DMD: variants seen among roughly 807,000 people sequenced by gnomAD.
DMD encodes the protein dystrophin.
Under a neutral mutation model 330.1 loss-of-function variants are expected in DMD, and 63 were observed. That is an observed-to-expected ratio of 0.19 (90% CI 0.16 to 0.24). DMD has a LOEUF of 0.24. Among genes scored for constraint, DMD ranks in the 10% least tolerant of loss-of-function variants. The pLI is 1.00. For synonymous variants in DMD, 1,223 were observed against 959.8 expected, an observed-to-expected ratio of 1.27 and a Z score of -5.07; for missense variants, 3,344 against 2,684.1, an observed-to-expected ratio of 1.25 and a Z score of -5.43.
At chrX:31,289,290 CAAAAAA>C (rs199636742) in intron 62 of DMD, among the ~76,000 whole-genome samples, 1 of 75,981 alleles carries the variant, frequency 1.3e-5, no homozygotes, top group African/African-American at 5.7e-5. Context: ...AAATCCATCT[CAAAAAA>C]AAAAAAATCA....
intron 3 of DMD, among the ~76,000 whole-genome samples, chrX:32,845,669 GT>G (rs1293581531): frequency 9.0e-6 from 1 of 111,371 alleles, no homozygotes; most frequent in African/African-American, 3.3e-5. Flanking sequence ...CACTTGCAAA[GT>G]TCTCACCTAA....
At chrX:32,730,531 G>A (rs1014125055) in intron 7 of DMD, among the ~76,000 whole-genome samples, 1 of 111,808 alleles carries the variant, frequency 8.9e-6, no homozygotes, top group African/African-American at 3.3e-5. Flanking sequence ...GTCTTCCTAG[G>A]CAATAGGAAT....
intron 25 of DMD, among the ~76,000 whole-genome samples, chrX:32,461,027 A>G (rs770285662): frequency 8.0e-5 from 9 of 111,928 alleles, no homozygotes; most frequent in Admixed American, 3.8e-4. Context: ...TTAAAATTTA[A>G]AATAATAACC....
At chrX:32,660,329 A>T (rs2060866424) in intron 9 of DMD, among the ~76,000 whole-genome samples, 1 of 111,181 alleles carries the variant, frequency 9.0e-6, no homozygotes, top group Non-Finnish European at 1.9e-5. Flanking sequence ...ATTAAAGGAT[A>T]TGTACAGATA....
chrX:32,877,091 T>TA (rs1441883496), intron 2 of DMD, among the ~76,000 whole-genome samples: 1 of 112,266 alleles, frequency 8.9e-6, no homozygotes, highest in Non-Finnish European at 1.9e-5. Flanking sequence ...CTTTTCCCTC[T>TA]AGCAATTATT....
intron 1 of DMD, among the ~76,000 whole-genome samples, chrX:33,150,491 G>T (rs1410112678): frequency 9.2e-6 from 1 of 108,954 alleles, no homozygotes; most frequent in Non-Finnish European, 1.9e-5. Flanking sequence ...TTGGGGTTTC[G>T]CCATACTGGC....
chrX:32,531,654 C>T (rs1004475641), intron 17 of DMD, among the ~76,000 whole-genome samples: 1 of 111,242 alleles, frequency 9.0e-6, no homozygotes, highest in Non-Finnish European at 1.9e-5. Context: ...AGTTTCAATA[C>T]ACAGTGAAGC....
intron 1 of DMD, among the ~76,000 whole-genome samples, chrX:33,250,719 G>T (rs745993178): frequency 9.0e-5 from 10 of 110,961 alleles, no homozygotes; most frequent in African/African-American, 2.9e-4. Context: ...TTGTTAAACA[G>T]GTGGAGAATA....
At chrX:31,988,808 G>T (rs953068256) in intron 44 of DMD, among the ~76,000 whole-genome samples, 93 of 108,727 alleles carry the variant, frequency 8.6e-4, no homozygotes, top group Non-Finnish European at 1.5e-3. Context: ...TCTCTCTCTC[G>T]AAACCAGAGA....
At chrX:32,502,808 A>T (rs1016437951) in intron 18 of DMD, among the ~76,000 whole-genome samples, 1 of 110,981 alleles carries the variant, frequency 9.0e-6, no homozygotes, top group Non-Finnish European at 1.9e-5. Context: ...TTCCAGGTAA[A>T]ATACTGGAGT....
At chrX:33,297,187 CT>C (rs756913992) in intron 1 of DMD, among the ~76,000 whole-genome samples, 37 of 111,317 alleles carry the variant, frequency 3.3e-4, no homozygotes, top group South Asian at 2.9e-3. Context: ...ACATAATTAT[CT>C]TTTTTTCCAA....
chrX:33,030,498 G>A (rs1179212209), intron 1 of DMD, among the ~76,000 whole-genome samples: 2 of 112,155 alleles, frequency 1.8e-5, no homozygotes, highest in Non-Finnish European at 3.8e-5. Flanking sequence ...ACATGAGTAT[G>A]TGGGTGTAGA....
intron 20 of DMD, among the ~76,000 whole-genome samples, chrX:32,485,734 C>CTTTTCTTTTTTTTT (rs2042378223): frequency 2.8e-5 from 1 of 36,149 alleles, no homozygotes; most frequent in Non-Finnish European, 4.7e-5. Context: ...GCAACCACTG[C>CTTTTCTTTTTTTTT]TTTTTTTTTT....
intron 1 of DMD, among the ~76,000 whole-genome samples, chrX:33,090,179 C>T (rs1370097013): frequency 9.1e-6 from 1 of 110,154 alleles, no homozygotes; most frequent in Non-Finnish European, 1.9e-5. Context: ...TTTGCTTCGA[C>T]TGGCCATCTC....
chrX:31,775,496 G>T (rs1254594968), intron 50 of DMD, among the ~76,000 whole-genome samples: 1 of 111,038 alleles, frequency 9.0e-6, no homozygotes, highest in East Asian at 2.8e-4. Flanking sequence ...GTTATCAGAG[G>T]TGAGTGGTGA....
At chrX:33,025,060 A>C (rs1446999160) in intron 1 of DMD, among the ~76,000 whole-genome samples, 1 of 112,409 alleles carries the variant, frequency 8.9e-6, no homozygotes, top group African/African-American at 3.2e-5. Context: ...ATCATAGATA[A>C]ATATGAAACA....
At chrX:31,409,536 G>A (rs1243498221) in intron 60 of DMD, among the ~76,000 whole-genome samples, 7 of 112,106 alleles carry the variant, frequency 6.2e-5, no homozygotes. Context: ...ATAATACTTT[G>A]AAAATGCTCA....
At chrX:31,493,785 C>T (rs2069549220) in intron 57 of DMD, among the ~76,000 whole-genome samples, 1 of 111,728 alleles carries the variant, frequency 9.0e-6, no homozygotes, top group Non-Finnish European at 1.9e-5. Context: ...TGTAGGGTGG[C>T]AAGAGTAGAT....
At chrX:32,175,492 T>C (rs1235111611) in intron 44 of DMD, among the ~76,000 whole-genome samples, 3 of 110,817 alleles carry the variant, frequency 2.7e-5, no homozygotes, top group Non-Finnish European at 5.7e-5. Flanking sequence ...TTTGTTCTTT[T>C]GCTCTTCACA....
Sources: gnomAD v4.1 joint callset for allele counts (sites outside exome capture counted in the v4.1 genomes callset) on GRCh38, gnomAD v4.1.1 for gene constraint, MANE v1.5 for transcripts, NCBI Gene and HGNC (gene_info 2026-07-23, HGNC 2026-07-21) for gene names.